The following ARID4B variants were observed in gnomAD, a reference collection of about 807,000 sequenced individuals.
ARID4B encodes the protein AT-rich interactive domain-containing protein 4B.
ARID4B carries 26 observed loss-of-function variants against 147.5 expected under a neutral mutation model. That is an observed-to-expected ratio of 0.18 (90% CI 0.13 to 0.24). The LOEUF is 0.24. Among genes scored for constraint, ARID4B ranks in the 10% least tolerant of loss-of-function variants. The pLI is 1.00. For missense variants in ARID4B, 1,179 were observed against 1,511.5 expected, an observed-to-expected ratio of 0.78 and a Z score of 3.65; for synonymous variants, 512 against 507.9, an observed-to-expected ratio of 1.01 and a Z score of -0.11.
At chr1:235,260,604 G>C in intron 3 of ARID4B, 38 bp downstream of exon 3, 2 of 1,446,214 alleles carry the variant, frequency 1.4e-6, no homozygotes, top group South Asian at 1.3e-5. Context: ...CATATCAAAT[G>C]CTGAACATAC....
chr1:235,170,910 CAAAAAAAAAAAA>C (rs1164420998), intron 23 of ARID4B, among the ~76,000 whole-genome samples: 4 of 61,450 alleles, frequency 6.5e-5, no homozygotes, highest in South Asian at 6.8e-4. Context: ...GACTCCGTCT[CAAAAAAAAAAAA>C]AAAAAAAAAA....
chr1:235,279,667 A>C (rs1671542950), intron 2 of ARID4B, among the ~76,000 whole-genome samples: 1 of 152,258 alleles, frequency 6.6e-6, no homozygotes, highest in Non-Finnish European at 1.5e-5. Flanking sequence ...CCCTTGGCTA[A>C]GAACTCACAG....
At chr1:235,302,348 G>A (rs961897088) in intron 2 of ARID4B, among the ~76,000 whole-genome samples, 2 of 145,188 alleles carry the variant, frequency 1.4e-5, no homozygotes, top group African/African-American at 2.6e-5. Context: ...GGGAGGGGAG[G>A]GGAGGGAAAG....
chr1:235,236,889 T>TTTTTTTTTG (rs1668648160), intron 8 of ARID4B, among the ~76,000 whole-genome samples: 1 of 86,248 alleles, frequency 1.2e-5, no homozygotes, highest in African/African-American at 4.9e-5. Context: ...TTTTTTTTTT[T>TTTTTTTTTG]GAGATAAAAG....
intron 2 of ARID4B, among the ~76,000 whole-genome samples, chr1:235,326,009 G>A (rs1675208655): frequency 6.6e-6 from 1 of 152,058 alleles, no homozygotes; most frequent in Non-Finnish European, 1.5e-5. Context: ...GCTATCTGTT[G>A]CATTTCTACA....
chr1:235,315,606 A>G (rs1307830168), intron 2 of ARID4B, among the ~76,000 whole-genome samples: 1 of 152,206 alleles, frequency 6.6e-6, no homozygotes, highest in Non-Finnish European at 1.5e-5. Flanking sequence ...GTAACTTTAA[A>G]GTGATACACC....
chr1:235,313,676 T>A (rs1558307039), intron 2 of ARID4B, among the ~76,000 whole-genome samples: 1 of 152,194 alleles, frequency 6.6e-6, no homozygotes. Context: ...CCCTCTAGGC[T>A]TGGAAGTAAA....
chr1:235,303,109 G>A (rs1363304970), intron 2 of ARID4B, among the ~76,000 whole-genome samples: 2 of 151,832 alleles, frequency 1.3e-5, no homozygotes. Context: ...ATTTTTAGTA[G>A]AGACAGGGTT....
At chr1:235,320,915 C>T (rs1327678571) in intron 2 of ARID4B, among the ~76,000 whole-genome samples, 1 of 152,156 alleles carries the variant, frequency 6.6e-6, no homozygotes, top group Non-Finnish European at 1.5e-5. Context: ...TCTAAAGTAA[C>T]CCACCCTCTG....
At chr1:235,238,977 T>C (rs1239739181) in intron 8 of ARID4B, among the ~76,000 whole-genome samples, 1 of 138,064 alleles carries the variant, frequency 7.2e-6, no homozygotes, top group African/African-American at 2.7e-5. Flanking sequence ...ATAATTCTTT[T>C]TTTTTCTTCT....
chr1:235,169,225 T>C (rs1663148745), intron 23 of ARID4B, among the ~76,000 whole-genome samples: 1 of 151,864 alleles, frequency 6.6e-6, no homozygotes, highest in Non-Finnish European at 1.5e-5. Flanking sequence ...CTGTTTCCTT[T>C]TTTCGTTTTT....
In ARID4B at chr1:235,182,098, T is replaced by C; in HGVS notation, c.2821A>G (p.Lys941Glu). 1 of 1,614,184 alleles carries C rather than the reference T, an allele frequency of 6.2e-7. No individual in the cohort carries two copies. The highest frequency in any genetic ancestry group is 2.2e-5 in the East Asian group (1 of 44,880). ...GTATCAGAGTCTGAAAAAAGCTCTT[T>C]CAGCGTTTTTTTAGGCCACTGTCCC... Reference protein sequence around the residue: ...IQGQWPKKTLKELFSDSDTEA... With the variant: ...IQGQWPKKTLEELFSDSDTEA... Residue 941 changes from lysine to glutamate, a missense_variant, in exon 20 of 24, where the codon AAA (lysine) becomes GAA (glutamate). Physicochemically the swap from Lys to Glu is moderately conservative, Grantham distance 56. This residue lies in a region of ARID4B where 8 missense variants were observed against 28.7 expected (regional missense o/e 0.28). Transcript: ENST00000264183.
rs548213768 is a variant in ARID4B, at chr1:235,225,246, C to CAT, written c.898-473_898-472dup. Among the ~76,000 whole-genome samples, 53 of 152,316 alleles carry CAT rather than the reference C, an allele frequency of 3.5e-4. No individual in the cohort carries two copies. In the South Asian group the frequency reaches 0.011, roughly 31 times the overall value. ...CCATTAGCTGACTGCAAGTATCCTT[C>CAT]ATTTTATGCAGCCCCACTGTATATA... On this transcript the variant is annotated intron_variant, in intron 11 of 23. Transcript: ENST00000264183.
chr1:235,259,777 G>A (rs1047214392), intron 3 of ARID4B, among the ~76,000 whole-genome samples: 1 of 152,060 alleles, frequency 6.6e-6, no homozygotes, highest in African/African-American at 2.4e-5. Context: ...AGGAATATAG[G>A]AACAGTAAAA....
chr1:235,258,134 C>A (rs900778684), intron 3 of ARID4B, among the ~76,000 whole-genome samples: 3 of 152,078 alleles, frequency 2.0e-5, no homozygotes, highest in Non-Finnish European at 4.4e-5. Flanking sequence ...GAGATGGGAC[C>A]AGCCTGGTTA....
chr1:235,313,273 G>A (rs965623179), intron 2 of ARID4B, among the ~76,000 whole-genome samples: 1 of 152,044 alleles, frequency 6.6e-6, no homozygotes, highest in Non-Finnish European at 1.5e-5. Context: ...CAAGTAATCT[G>A]CCAGCCTCAA....
At chr1:235,244,072 A>G (rs1161876681) in intron 7 of ARID4B, among the ~76,000 whole-genome samples, 1 of 152,190 alleles carries the variant, frequency 6.6e-6, no homozygotes, top group Admixed American at 6.5e-5. Context: ...TTTATGATAC[A>G]TGAATTATAC....
intron 18 of ARID4B, among the ~76,000 whole-genome samples, chr1:235,195,097 G>A (rs1409618667): frequency 6.6e-6 from 1 of 151,954 alleles, no homozygotes; most frequent in East Asian, 1.9e-4. Flanking sequence ...GCATGAGTTA[G>A]CAGTAAGCAC....
intron 2 of ARID4B, among the ~76,000 whole-genome samples, chr1:235,273,074 T>C (rs899541278): frequency 2.0e-5 from 3 of 152,160 alleles, no homozygotes; most frequent in African/African-American, 7.2e-5. Flanking sequence ...CTGGCAGTTA[T>C]ATTTACAGGC....
Sources: allele counts gnomAD v4.1 joint callset (sites outside exome capture counted in the v4.1 genomes callset), GRCh38; gene constraint gnomAD v4.1.1; regional missense constraint gnomAD v4.1.1; transcripts MANE v1.5; gene names NCBI Gene and HGNC (gene_info 2026-07-23, HGNC 2026-07-21).